DSCAM: variants seen among roughly 807,000 people sequenced by gnomAD.
The protein encoded by DSCAM is cell adhesion molecule DSCAM.
DSCAM carries 47 observed loss-of-function variants against 217.7 expected under a neutral mutation model. The ratio of observed to expected loss-of-function variants is 0.22; its 90% CI spans 0.17 to 0.28. The LOEUF is 0.28. DSCAM is among the 10% of genes least tolerant of loss of function. The probability of loss-of-function intolerance (pLI) is 1.00; values close to 1 mark genes in which losing one functional copy is unlikely to be tolerated. For synonymous variants in DSCAM, 1,056 were observed against 1,015.3 expected (o/e 1.04, Z -0.76); for missense variants, 2,080 against 2,618.3 (o/e 0.79, Z 4.49).
intron 3 of DSCAM, among the ~76,000 whole-genome samples, chr21:40,471,490 G>C (rs1361665694): frequency 6.6e-6 from 1 of 152,176 alleles, no homozygotes; most frequent in African/African-American, 2.4e-5. Flanking sequence ...CAGTACTAGG[G>C]TTACAGTCTG....
At chr21:40,279,665 C>T (rs549420718) in intron 10 of DSCAM, among the ~76,000 whole-genome samples, 6 of 152,306 alleles carry the variant, frequency 3.9e-5, no homozygotes, top group African/African-American at 1.4e-4. Flanking sequence ...ACTATGAAGA[C>T]ACATGCACAC....
chr21:40,280,977 T>C (rs1003273564), intron 10 of DSCAM, among the ~76,000 whole-genome samples: 8 of 152,270 alleles, frequency 5.3e-5, no homozygotes, highest in African/African-American at 1.9e-4. Flanking sequence ...AGGAGTGAGC[T>C]TGGGAGAAGA....
chr21:40,165,107 C>A (rs184320305), intron 16 of DSCAM, among the ~76,000 whole-genome samples: 1 of 152,176 alleles, frequency 6.6e-6, no homozygotes, highest in East Asian at 1.9e-4. Flanking sequence ...AGACTTCCCA[C>A]GACTGCATAT....
At chr21:40,327,465 T>C (rs558948161) in intron 8 of DSCAM, among the ~76,000 whole-genome samples, 22 of 152,298 alleles carry the variant, frequency 1.4e-4, no homozygotes, top group African/African-American at 4.8e-4. Context: ...GGGTTTTCTA[T>C]ATATATGGTC....
chr21:40,670,779 A>G (rs945279784), intron 3 of DSCAM, among the ~76,000 whole-genome samples: 8 of 152,170 alleles, frequency 5.3e-5, no homozygotes, highest in African/African-American at 1.9e-4. Context: ...CGATTGCAAA[A>G]AATGCTGCTA....
intron 3 of DSCAM, among the ~76,000 whole-genome samples, chr21:40,480,349 A>G (rs543868544): frequency 6.6e-6 from 1 of 152,150 alleles, no homozygotes; most frequent in African/African-American, 2.4e-5. Context: ...AAGAGAGAGT[A>G]TTGCTCTTTC....
chr21:40,763,434 G>A (rs887945561), intron 1 of DSCAM, among the ~76,000 whole-genome samples: 3 of 151,962 alleles, frequency 2.0e-5, no homozygotes, highest in Non-Finnish European at 4.4e-5. Flanking sequence ...ACTGCTCAAA[G>A]AAAAAAGAGG....
intron 9 of DSCAM, among the ~76,000 whole-genome samples, chr21:40,298,608 T>G (rs2837558): frequency 6.6e-6 from 1 of 152,032 alleles, no homozygotes; most frequent in Admixed American, 6.5e-5. Context: ...GTAGAGATTA[T>G]TTAGAGCTAA....
rs1234678882 is a variant in DSCAM at position 40,293,206 on chromosome 21, G to A, written c.2182+2849C>T. Among the ~76,000 whole-genome samples, 10 of 152,060 alleles carry A rather than the reference G, an allele frequency of 6.6e-5. 1 individual carries two copies. The highest frequency in any genetic ancestry group is 3.9e-4 in the East Asian group (2 of 5,188). ...GACCCTTTATAGCCAGGGGCGACCC[G>A]GCCAGCGATCCAGAGAGATGCTGGC... On this transcript the variant is annotated intron_variant, in intron 10 of 32. Coordinates refer to ENST00000400454, the MANE Select transcript of DSCAM (RefSeq NM_001389.5).
chr21:40,617,828 G>T (rs898093584), intron 3 of DSCAM, among the ~76,000 whole-genome samples: 1 of 152,216 alleles, frequency 6.6e-6, no homozygotes, highest in Non-Finnish European at 1.5e-5. Context: ...TCTAGAAATA[G>T]AGACTCTGCT....
chr21:40,656,442 C>A (rs1402798955), intron 3 of DSCAM, among the ~76,000 whole-genome samples: 13 of 151,346 alleles, frequency 8.6e-5, no homozygotes, highest in Non-Finnish European at 1.3e-4. Flanking sequence ...CACTGTCAAA[C>A]AAGCTGTGTG....
intron 16 of DSCAM, among the ~76,000 whole-genome samples, chr21:40,158,095 G>A (rs766160420): frequency 6.6e-6 from 1 of 152,168 alleles, no homozygotes; most frequent in Non-Finnish European, 1.5e-5. Context: ...TATTGAAAAA[G>A]TTGTCTGGGC....
At chr21:40,599,968 C>T (rs960060097) in intron 3 of DSCAM, among the ~76,000 whole-genome samples, 2 of 152,134 alleles carry the variant, frequency 1.3e-5, no homozygotes, top group African/African-American at 2.4e-5. Flanking sequence ...TCATTAATAG[C>T]CTACCAACCA....
At chr21:40,042,812 G>A (rs1300922595) in intron 31 of DSCAM, 139 bp from the exon 32 acceptor site, 1 of 820,570 alleles carries the variant, frequency 1.2e-6, no homozygotes, top group Non-Finnish European at 1.9e-6. Context: ...CTTGGCGGAG[G>A]CTCCTGCCTT....
chr21:40,206,658 T>C (rs2837504), intron 11 of DSCAM, among the ~76,000 whole-genome samples: 69,506 of 150,836 alleles, frequency 0.46, 17,708 homozygotes, highest in African/African-American at 0.7. Flanking sequence ...AGTAAACATT[T>C]CTAATCCTTG....
chr21:40,324,103 C>CAAAAAAAAAAAAAAAAAAAA (rs71330393), intron 8 of DSCAM, among the ~76,000 whole-genome samples: 17 of 27,944 alleles, frequency 6.1e-4, no homozygotes, highest in Non-Finnish European at 7.8e-4. Flanking sequence ...AACTCTGTCT[C>CAAAAAAAAAAAAAAAAAAAA]AAAAAAAAAA....
At chr21:40,316,119 A>T (rs757457613) in intron 8 of DSCAM, among the ~76,000 whole-genome samples, 28 of 152,198 alleles carry the variant, frequency 1.8e-4, no homozygotes, top group Non-Finnish European at 3.4e-4. Flanking sequence ...TTTAAAACAT[A>T]TCTACCAAAA....
intron 3 of DSCAM, among the ~76,000 whole-genome samples, chr21:40,432,221 T>TAAATAA (rs1473127132): frequency 0.023 from 3,468 of 149,752 alleles, 55 homozygotes; most frequent in Middle Eastern, 0.042. Flanking sequence ...AAAATAAATA[T>TAAATAA]ATAAATAAAT....
At chr21:40,229,919 G>A (rs1186798640) in intron 11 of DSCAM, among the ~76,000 whole-genome samples, 2 of 152,194 alleles carry the variant, frequency 1.3e-5, no homozygotes, top group Middle Eastern at 3.2e-3. Context: ...GTAAGAAACT[G>A]TCGAGCTGGC....
Sources: gnomAD v4.1 joint callset for allele counts (sites outside exome capture counted in the v4.1 genomes callset) on GRCh38, gnomAD v4.1.1 for gene constraint, MANE v1.5 for transcripts, NCBI Gene and HGNC (gene_info 2026-07-23, HGNC 2026-07-21) for gene names.